The following FBXO4 variants were observed in gnomAD, a reference collection of about 807,000 sequenced individuals.
The protein encoded by FBXO4 is F-box protein 4.
Under a neutral mutation model 43.7 loss-of-function variants are expected in FBXO4, and 36 were observed. That is an observed-to-expected ratio of 0.82 (90% CI 0.63 to 1.09). FBXO4 has a LOEUF of 1.09. Ranked by LOEUF, FBXO4 falls within the 50% of genes least tolerant of loss-of-function variation. The pLI is 0.00. For missense variants in FBXO4, 435 were observed against 474.1 expected (o/e 0.92, Z 0.77); for synonymous variants, 180 against 165.6 (o/e 1.09, Z -0.67).
At chr5:41,952,959 T>A in the FBXO4 span, among the ~76,000 whole-genome samples, 1 of 152,112 alleles carries the variant, frequency 6.6e-6, no homozygotes, top group Non-Finnish European at 1.5e-5. Flanking sequence ...TTTCTTTTTT[T>A]ATGTCATTTT....
chr5:42,006,887 GATATATATAT>G, the FBXO4 span, among the ~76,000 whole-genome samples: 800 of 79,110 alleles, frequency 0.01, 60 homozygotes, highest in African/African-American at 0.046. Context: ...GGTTCATGCT[GATATATATAT>G]ATATATATAT....
intron 2 of FBXO4, among the ~76,000 whole-genome samples, chr5:41,929,078 A>G (rs1751598155): frequency 6.6e-6 from 1 of 152,148 alleles, no homozygotes; most frequent in South Asian, 2.1e-4. Flanking sequence ...ATTTGGTTAT[A>G]TTGGTAGTGT....
the FBXO4 span, among the ~76,000 whole-genome samples, chr5:41,964,582 C>G: frequency 1.4e-5 from 2 of 141,570 alleles, no homozygotes; most frequent in Non-Finnish European, 3.1e-5. Flanking sequence ...AAATGATTTT[C>G]AAGCCAAGTG....
At chr5:41,943,170 G>A (rs917598261), downstream of FBXO4, among the ~76,000 whole-genome samples, 1 of 152,054 alleles carries the variant, frequency 6.6e-6, no homozygotes, top group Non-Finnish European at 1.5e-5. Flanking sequence ...CTTGGAGTCC[G>A]AAAATCCTCT....
chr5:41,964,662 T>C, the FBXO4 span, among the ~76,000 whole-genome samples: 4 of 152,114 alleles, frequency 2.6e-5, no homozygotes, highest in Non-Finnish European at 5.9e-5. Context: ...CATGGGTCTT[T>C]TGGCTGCATA....
At chr5:41,934,634 T>A (rs1160310965) in intron 5 of FBXO4, 2 of 1,143,544 alleles carry the variant, frequency 1.7e-6, no homozygotes, top group African/African-American at 3.2e-5. Context: ...ACTAGAGCTA[T>A]ACAATATTTT....
the FBXO4 span, among the ~76,000 whole-genome samples, chr5:42,017,097 A>T: frequency 6.6e-6 from 1 of 152,036 alleles, no homozygotes; most frequent in African/African-American, 2.4e-5. Flanking sequence ...TATATAGTAT[A>T]GATATAACAT....
chr5:41,975,707 T>C, the FBXO4 span, among the ~76,000 whole-genome samples: 4 of 152,220 alleles, frequency 2.6e-5, no homozygotes, highest in Non-Finnish European at 5.9e-5. Flanking sequence ...TTTAACATCT[T>C]AACCATTGTT....
chr5:41,939,834 ATTTTTTTTTTTTTTTTTTT>A (rs60238550), intron 6 of FBXO4, among the ~76,000 whole-genome samples: 2 of 79,306 alleles, frequency 2.5e-5, no homozygotes, highest in Admixed American at 1.5e-4. Flanking sequence ...ACAATTGGGG[ATTTTTTTTTTTTTTTTTTT>A]TTTTTTTTTT....
At chr5:41,938,649 G>A (rs568882871) in intron 5 of FBXO4, among the ~76,000 whole-genome samples, 70 of 152,032 alleles carry the variant, frequency 4.6e-4, no homozygotes, top group African/African-American at 1.5e-3. Context: ...CTCTGGATAG[G>A]GCCTCTTGGG....
chr5:41,949,620 G>T, the FBXO4 span, among the ~76,000 whole-genome samples: 47 of 152,046 alleles, frequency 3.1e-4, no homozygotes, highest in South Asian at 9.1e-3. Context: ...AATCAATATC[G>T]TGAAAATGGC....
chr5:41,925,479 G>T lies in FBXO4; in HGVS notation c.170G>T (p.Ser57Ile). The T allele has an allele frequency of 7.6e-7, 1 of 1,316,568 alleles. No individual in the cohort carries two copies. The highest frequency in any genetic ancestry group is 9.8e-7 in the Non-Finnish European group (1 of 1,025,070). 81.6% of individuals were successfully genotyped at this position (1,316,568 alleles called of 1,614,324 possible). Residue 57 changes from serine (S) to isoleucine (I), a missense_variant, in exon 1 of 7, where the codon AGC (serine) becomes ATC (isoleucine). Ser to Ile is a moderately radical substitution (Grantham distance 142). Coordinates refer to ENST00000281623, the MANE Select transcript of FBXO4 (RefSeq NM_012176.3). ...TSREEVDEAA[S>I]TLTRLPIDVQ... ...CGGGAGGAGGTGGATGAGGCGGCCA[G>T]CACCCTGACGCGGCTGCCGGTGAGC...
At chr5:42,011,583 TTA>T in the FBXO4 span, among the ~76,000 whole-genome samples, 1 of 152,192 alleles carries the variant, frequency 6.6e-6, no homozygotes, top group African/African-American at 2.4e-5. Context: ...TACGGATATT[TTA>T]TATATATTTA....
the FBXO4 span, among the ~76,000 whole-genome samples, chr5:42,009,245 T>C: frequency 6.6e-6 from 1 of 152,132 alleles, no homozygotes; most frequent in East Asian, 1.9e-4. Flanking sequence ...TGTTTAACTA[T>C]CCATGTCTGA....
At chr5:41,926,959 C>A in intron 1 of FBXO4, 54 bp from the exon 2 acceptor site, 1 of 1,155,948 alleles carries the variant, frequency 8.7e-7, no homozygotes, top group Non-Finnish European at 1.2e-6. Context: ...GTTTATCACC[C>A]AAAAACTATT....
the FBXO4 span, among the ~76,000 whole-genome samples, chr5:41,973,522 A>C: frequency 6.6e-6 from 1 of 152,152 alleles, no homozygotes; most frequent in Non-Finnish European, 1.5e-5. Context: ...ACAAAAAATA[A>C]TAAAAAAAAC....
the FBXO4 span, among the ~76,000 whole-genome samples, chr5:42,023,030 A>T: frequency 6.6e-6 from 1 of 152,108 alleles, no homozygotes; most frequent in African/African-American, 2.4e-5. Flanking sequence ...AAATATAAAC[A>T]TAATAAAGAA....
the FBXO4 span, among the ~76,000 whole-genome samples, chr5:41,974,236 C>T: frequency 4.6e-5 from 7 of 152,180 alleles, no homozygotes; most frequent in Non-Finnish European, 8.8e-5. Flanking sequence ...CTCTGAGCTT[C>T]TTGAAACTGT....
At chr5:42,040,146 C>T in the FBXO4 span, among the ~76,000 whole-genome samples, 3 of 152,058 alleles carry the variant, frequency 2.0e-5, no homozygotes, top group Non-Finnish European at 4.4e-5. Flanking sequence ...AAAACTAATA[C>T]ACCTCCCTTT....
Sources: gnomAD v4.1 joint callset for allele counts (sites outside exome capture counted in the v4.1 genomes callset) on GRCh38, gnomAD v4.1.1 for gene constraint, MANE v1.5 for transcripts, NCBI Gene and HGNC (gene_info 2026-07-23, HGNC 2026-07-21) for gene names.